The following RUSC2 variants were observed in gnomAD, a reference collection of about 807,000 sequenced individuals.
RUSC2 encodes AP-4 complex accessory subunit RUSC2.
In RUSC2, 34 loss-of-function variants were observed where a neutral mutation model predicts 122.2. That is an observed-to-expected ratio of 0.28 (90% confidence interval 0.21 to 0.37). RUSC2 has a LOEUF of 0.37. Among genes scored for constraint, RUSC2 ranks in the 10% least tolerant of loss-of-function variants. RUSC2 has a pLI of 1.00. For synonymous variants in RUSC2, 784 were observed against 790.0 expected (o/e 0.99, Z 0.13); for missense variants, 1,747 against 1,952.4 (o/e 0.89, Z 1.98).
chr9:35,498,624 C>T (rs936618272), intron 1 of RUSC2, among the ~76,000 whole-genome samples: 6 of 150,974 alleles, frequency 4.0e-5, no homozygotes, highest in African/African-American at 4.9e-5. Flanking sequence ...TTTAGGAGGC[C>T]GAGGTGGGTG....
At chr9:35,511,612 C>G (rs542110325) in intron 1 of RUSC2, among the ~76,000 whole-genome samples, 1 of 152,294 alleles carries the variant, frequency 6.6e-6, no homozygotes, top group South Asian at 2.1e-4. Context: ...GATTTCAGTT[C>G]CTCGAACTTA....
chr9:35,556,263 C>T (rs1296412943), intron 4 of RUSC2, 45 bp from the exon 5 acceptor site: 7 of 1,609,264 alleles, frequency 4.3e-6, no homozygotes, highest in Non-Finnish European at 5.9e-6. Context: ...GCCTGGAACT[C>T]CTGCACTGAG....
At chr9:35,492,262 A>G (rs1315686173) in intron 1 of RUSC2, among the ~76,000 whole-genome samples, 1 of 152,144 alleles carries the variant, frequency 6.6e-6, no homozygotes, top group African/African-American at 2.4e-5. Flanking sequence ...TGGCAAGTTC[A>G]TGGGAGGGCT....
chr9:35,560,053 C>T lies in RUSC2; in HGVS notation c.3413C>T (p.Pro1138Leu). 6.2e-7 allele frequency: 1 copy of T among 1,606,040 alleles called. No individual in the cohort carries two copies. Among genetic ancestry groups the T allele is most frequent in the Non-Finnish European group, 8.5e-7 (1 of 1,173,588 alleles). ...GACATCATCCAGACCCACTACCAGC[C>T]CTGGGGCTTCCTGAGTGCAGCTCAT... is the stretch of plus-strand genomic sequence containing the variant. ...HEDIIQTHYQPWGFLSAAHTV... is the reference protein window; with the variant it reads ...HEDIIQTHYQLWGFLSAAHTV... The change falls in exon 10 of 12, where the codon CCC becomes CTC. Residue 1138 changes from proline (P) to leucine (L), a missense_variant. Transcript: ENST00000361226.
In RUSC2 at chr9:35,546,602, G is replaced by A. The variant is rs923407464; in HGVS notation, c.81G>A (p.Arg27=). 6.5e-7 allele frequency: 1 copy of A among 1,539,702 alleles called. No individual in the cohort carries two copies. The change falls in exon 2 of 12, where the codon AGG becomes AGA. Residue 27 remains arginine (R), a synonymous_variant. Transcript: ENST00000361226. This position sits in a 1 kb window ranked among gnomAD's most constrained non-coding sequence, Gnocchi z 4.3. The part of the protein sequence containing the change: ...IPLVHCQVPD[R]QCCGGAGGGG... Reference sequence around the variant, plus strand: ...TGGTGCACTGCCAAGTCCCAGACAGGCAGTGCTGTGGAGGGGCAGGTGGAG... The same window carrying A: ...TGGTGCACTGCCAAGTCCCAGACAGACAGTGCTGTGGAGGGGCAGGTGGAG...
rs368608151 is a variant in RUSC2 at position 35,558,271 on chromosome 9, C to T, written c.3135C>T (p.Arg1045=). Residue 1045 remains arginine, a synonymous_variant, in exon 7 of 12, where the codon CGC becomes CGT. Transcript: ENST00000361226. The surrounding 1 kb of genome is among the most constrained non-coding windows in gnomAD (Gnocchi z 4.3). ...LVLKYLCPAV[R]AVLEDGLKAF... Reference sequence around the variant, plus strand: ...TGAAGTACTTGTGCCCTGCCGTCCGCGCCGTGCTGGAGGATGGGCTCAAGG... The same window carrying T: ...TGAAGTACTTGTGCCCTGCCGTCCGTGCCGTGCTGGAGGATGGGCTCAAGG... 14 of 1,614,020 alleles carry T rather than the reference C, an allele frequency of 8.7e-6. No individual in the cohort carries two copies. The highest frequency in any genetic ancestry group is 2.7e-5 in the African/African-American group (2 of 74,896).
At chr9:35,541,430 G>A (rs146404029) in intron 1 of RUSC2, among the ~76,000 whole-genome samples, 406 of 151,708 alleles carry the variant, frequency 2.7e-3, no homozygotes, top group Middle Eastern at 0.01. Flanking sequence ...TCTCTGTGGT[G>A]TCATATGTAC....
chr9:35,558,118 G>A lies in RUSC2; in HGVS notation c.3061-79G>A, dbSNP rs953420066. On this transcript the variant is annotated intron_variant, in intron 6 of 11. Transcript: ENST00000361226. This position sits in a 1 kb window ranked among gnomAD's most constrained non-coding sequence, Gnocchi z 4.3. ...TACTTAGGAATGGGGACGGCAAGAG[G>A]GGAACCATGAGGGCCTGCTACGAGA... 18 of 1,590,716 alleles carry A rather than the reference G, an allele frequency of 1.1e-5. 1 individual carries two copies. The South Asian group carries it at 1.7e-4, about 15-fold the overall frequency.
At chr9:35,559,138 A>C in intron 8 of RUSC2, 88 bp from the exon 9 acceptor site, 1 of 1,066,058 alleles carries the variant, frequency 9.4e-7, no homozygotes, top group Non-Finnish European at 1.5e-6. Context: ...GTGTTCACCT[A>C]TTCTTCCTGT....
intron 1 of RUSC2, among the ~76,000 whole-genome samples, chr9:35,495,893 G>A (rs977281393): frequency 4.1e-4 from 62 of 152,210 alleles, no homozygotes; most frequent in African/African-American, 1.5e-3. Flanking sequence ...CCGTGGTTAA[G>A]TTCATTCCTA....
intron 1 of RUSC2, among the ~76,000 whole-genome samples, chr9:35,523,073 A>G (rs1821246408): frequency 6.6e-6 from 1 of 152,252 alleles, no homozygotes; most frequent in Admixed American, 6.5e-5. Context: ...GACAGTTCCC[A>G]AAACTACTCA....
rs532275583 is a variant in RUSC2, at chr9:35,555,326, G to A, written c.2281G>A (p.Gly761Ser). Residue 761 changes from glycine to serine, a missense_variant, in exon 3 of 12, where the codon GGT becomes AGT. Coordinates refer to ENST00000361226, the MANE Select transcript of RUSC2 (RefSeq NM_014806.5). The surrounding 1 kb of genome is among the most constrained non-coding windows in gnomAD (Gnocchi z 4.6). ...QASTPRATGR[G>S]ARKAGSEPET... ...ATCCACTCCCCGAGCCACTGGCAGAGGTGCCAGGAAAGCTGGGTCTGAGCC... is the reference window on the plus strand; with the variant it reads ...ATCCACTCCCCGAGCCACTGGCAGAAGTGCCAGGAAAGCTGGGTCTGAGCC... 2.5e-6 allele frequency: 4 copies of A among 1,614,206 alleles called. No homozygotes were observed. The highest frequency in any genetic ancestry group is 3.4e-6 in the Non-Finnish European group (4 of 1,180,040).
Position 35,560,367 on chromosome 9 carries a change from G to A in RUSC2, c.3727G>A (p.Glu1243Lys). ...CTCAGAAGGTGGAGAAGAGGAAGAG[G>A]AAGAAGAGGAGACAGAAGAGGTGGC... ...GASEGGEEEE[E>K]EEETEEVAEA... The change falls in exon 10 of 12, where the codon GAA (glutamate) becomes AAA (lysine). Residue 1243 changes from glutamate to lysine, a missense_variant. Transcript: ENST00000361226. 6.2e-7 allele frequency: 1 copy of A among 1,613,366 alleles called. No individual in the cohort carries two copies. The highest frequency in any genetic ancestry group is 2.2e-5 in the East Asian group (1 of 44,848).
rs1323138360 is a variant in RUSC2, at chr9:35,561,866, T to C, written c.*484T>C. On this transcript the variant is annotated 3_prime_UTR_variant, in exon 12 of 12. Coordinates refer to ENST00000361226, the MANE Select transcript of RUSC2 (RefSeq NM_014806.5). ...TATTTATTTATTTATTTATTATACC[T>C]ATTAATAAAAAAGGTGCTCAGCCTC... The C allele has an allele frequency of 1.5e-6, 1 of 672,556 alleles. No homozygotes were observed. Among genetic ancestry groups the C allele is most frequent in the Admixed American group, 2.3e-5 (1 of 44,344 alleles). The allele number at this position is 672,556 out of a possible 1,614,324, so 41.7% of individuals were successfully genotyped here. A position where few individuals can be genotyped will look rare whatever the true frequency, so the allele number is the denominator to read the frequency against.
At position 35,547,874 on chromosome 9, in the gene RUSC2, A is replaced by G. The variant is rs773129749; in HGVS notation, c.1353A>G (p.Pro451=). Residue 451 remains proline, a synonymous_variant, in exon 2 of 12, where the codon CCA becomes CCG. Transcript: ENST00000361226. This position sits in a 1 kb window ranked among gnomAD's most constrained non-coding sequence, Gnocchi z 4.6. The part of the protein sequence containing the change: ...QPSEYYLFQK[P]EVQPEEQEAV... ...CTGAGTATTACCTATTCCAGAAGCCAGAAGTCCAGCCAGAGGAACAAGAAG... is the reference window on the plus strand; with the variant it reads ...CTGAGTATTACCTATTCCAGAAGCCGGAAGTCCAGCCAGAGGAACAAGAAG... The G allele has an allele frequency of 3.7e-6, 6 of 1,614,218 alleles. No individual in the cohort carries two copies. In the Admixed American group the frequency reaches 8.3e-5, roughly 22 times the overall value.
intron 1 of RUSC2, among the ~76,000 whole-genome samples, chr9:35,535,793 G>T (rs949535188): frequency 6.6e-6 from 1 of 152,038 alleles, no homozygotes; most frequent in African/African-American, 2.4e-5. Context: ...GCCCGCCTCG[G>T]CCTCTCAAAG....
In RUSC2 at chr9:35,561,637, G is replaced by T; in HGVS notation, c.*255G>T. On this transcript the variant is annotated 3_prime_UTR_variant, in exon 12 of 12. Transcript: ENST00000361226. Reference sequence around the variant, plus strand: ...GCCAGGATTCCCCTGGCCCGTCTGGGCCAACCCTTCCATGGGTGAAGACAA... The same window carrying T: ...GCCAGGATTCCCCTGGCCCGTCTGGTCCAACCCTTCCATGGGTGAAGACAA... 1 of 562,634 alleles carries T rather than the reference G, an allele frequency of 1.8e-6. No individual in the cohort carries two copies. The allele number at this position is 562,634 out of a possible 1,614,324, so 34.9% of individuals were successfully genotyped here. A position where few individuals can be genotyped will look rare whatever the true frequency, so the allele number is the denominator to read the frequency against.
At position 35,555,751 on chromosome 9, in the gene RUSC2, T is replaced by A. The variant is rs767311984; in HGVS notation, c.2656+50T>A. ...CCAACCCGCCACCTCACGCAAGCAC[T>A]TCCACCACCTCCCCTTTGAGTGGTT... is the stretch of plus-strand genomic sequence containing the variant. On this transcript the variant is annotated intron_variant, in intron 3 of 11. Transcript: ENST00000361226. The surrounding 1 kb of genome is among the most constrained non-coding windows in gnomAD (Gnocchi z 4.6). 6.5e-7 allele frequency: 1 copy of A among 1,543,794 alleles called. No individual in the cohort carries two copies. Among genetic ancestry groups the A allele is most frequent in the African/African-American group, 1.4e-5 (1 of 72,172 alleles).
At chr9:35,501,299 G>A (rs1040571731) in intron 1 of RUSC2, among the ~76,000 whole-genome samples, 6 of 152,278 alleles carry the variant, frequency 3.9e-5, no homozygotes, top group Admixed American at 6.5e-5. Flanking sequence ...GATACAGGCC[G>A]GGTGCAGTGG....
Sources: allele counts gnomAD v4.1 joint callset (sites outside exome capture counted in the v4.1 genomes callset), GRCh38; gene constraint gnomAD v4.1.1; non-coding constraint Gnocchi (gnomAD v3.1); transcripts MANE v1.5; gene names NCBI Gene and HGNC (gene_info 2026-07-23, HGNC 2026-07-21).